Variants in ARB2A observed in about 807,000 individuals in gnomAD.
ARB2A encodes cotranscriptional regulator ARB2A.
the ARB2A span, among the ~76,000 whole-genome samples, chr5:93,994,551 A>G: frequency 6.6e-6 from 1 of 152,210 alleles, no homozygotes; most frequent in African/African-American, 2.4e-5. Flanking sequence ...GGGTACATAT[A>G]GTTGACCCTT....
chr5:93,634,010 G>T, the ARB2A span, among the ~76,000 whole-genome samples: 1 of 152,008 alleles, frequency 6.6e-6, no homozygotes, highest in Non-Finnish European at 1.5e-5. Context: ...CGATCTGCCT[G>T]CCTCAGCCTC....
the ARB2A span, chr5:93,740,565 A>G: frequency 6.3e-7 from 1 of 1,580,052 alleles, no homozygotes; most frequent in South Asian, 1.1e-5. Flanking sequence ...GTGAAGGGCA[A>G]GCCCCTCAGC....
the ARB2A span, chr5:93,733,606 A>G: frequency 6.6e-6 from 1 of 152,312 alleles, no homozygotes; most frequent in Non-Finnish European, 1.5e-5. Flanking sequence ...CCTTTCATGA[A>G]GGTTGCACCA....
At chr5:93,821,985 C>T in the ARB2A span, among the ~76,000 whole-genome samples, 2 of 151,858 alleles carry the variant, frequency 1.3e-5, no homozygotes, top group African/African-American at 2.4e-5. Flanking sequence ...ATTAAATAGA[C>T]TTCTCAGCCC....
At chr5:93,703,032 T>C in the ARB2A span, among the ~76,000 whole-genome samples, 2 of 152,200 alleles carry the variant, frequency 1.3e-5, no homozygotes, top group Non-Finnish European at 2.9e-5. Flanking sequence ...GCTTATTTCA[T>C]TTCTACCACA....
At chr5:94,111,232 AG>A in the ARB2A span, among the ~76,000 whole-genome samples, 2 of 152,172 alleles carry the variant, frequency 1.3e-5, no homozygotes, top group African/African-American at 4.8e-5. Context: ...CTCTGTCTCC[AG>A]GGACTCCCAG....
At chr5:93,936,363 T>C in the ARB2A span, among the ~76,000 whole-genome samples, 1 of 152,172 alleles carries the variant, frequency 6.6e-6, no homozygotes, top group Non-Finnish European at 1.5e-5. Context: ...AAGAGTTTTA[T>C]GAAAAGGTTT....
At chr5:94,030,798 G>A in the ARB2A span, among the ~76,000 whole-genome samples, 1 of 152,198 alleles carries the variant, frequency 6.6e-6, no homozygotes, top group Non-Finnish European at 1.5e-5. Context: ...TGAGCAAATT[G>A]ATTAGTTCTT....
At chr5:93,958,719 A>G in the ARB2A span, 1 of 1,208,538 alleles carries the variant, frequency 8.3e-7, no homozygotes, top group Non-Finnish European at 1.1e-6. Context: ...ACATAAAAAC[A>G]TATAATAAAA....
chr5:93,704,307 T>C, the ARB2A span, among the ~76,000 whole-genome samples: 1 of 152,180 alleles, frequency 6.6e-6, no homozygotes, highest in Non-Finnish European at 1.5e-5. Context: ...CTTATAACTC[T>C]TGCCTGTAAT....
chr5:93,885,378 T>C, the ARB2A span, among the ~76,000 whole-genome samples: 2 of 151,610 alleles, frequency 1.3e-5, no homozygotes, highest in Non-Finnish European at 3.0e-5. Flanking sequence ...TATTTAATTA[T>C]TCCTTAAGTA....
At chr5:93,910,066 T>C in the ARB2A span, among the ~76,000 whole-genome samples, 1 of 151,102 alleles carries the variant, frequency 6.6e-6, no homozygotes, top group Non-Finnish European at 1.5e-5. Flanking sequence ...TACAGGTGCA[T>C]CTATTCTATA....
chr5:93,927,984 A>C, the ARB2A span, among the ~76,000 whole-genome samples: 1 of 151,450 alleles, frequency 6.6e-6, no homozygotes, highest in Non-Finnish European at 1.5e-5. Context: ...TTCTAAAATC[A>C]ACATTACCAA....
the ARB2A span, among the ~76,000 whole-genome samples, chr5:93,633,808 C>G: frequency 1.3e-5 from 2 of 152,082 alleles, no homozygotes; most frequent in Non-Finnish European, 2.9e-5. Context: ...CAAATCTACC[C>G]TGTCTATATA....
the ARB2A span, among the ~76,000 whole-genome samples, chr5:93,983,968 T>C: frequency 6.6e-6 from 1 of 152,176 alleles, no homozygotes; most frequent in African/African-American, 2.4e-5. Context: ...CTAAATGCAA[T>C]GTGTGAACCT....
At chr5:93,863,893 A>G in the ARB2A span, 1 of 151,958 alleles carries the variant, frequency 6.6e-6, no homozygotes, top group Admixed American at 6.6e-5. Flanking sequence ...AGAGTCTTAA[A>G]AAAGTATTTA....
At chr5:93,706,494 C>T in the ARB2A span, among the ~76,000 whole-genome samples, 1 of 152,124 alleles carries the variant, frequency 6.6e-6, no homozygotes, top group African/African-American at 2.4e-5. Flanking sequence ...CAACACTGCG[C>T]ATATACTGGA....
At chr5:93,936,940 G>GTTTTTT in the ARB2A span, among the ~76,000 whole-genome samples, 2 of 133,578 alleles carry the variant, frequency 1.5e-5, no homozygotes, top group Non-Finnish European at 1.6e-5. Context: ...AATTATAAAG[G>GTTTTTT]TTTTTTTTTT....
chr5:93,790,630 C>A, the ARB2A span, among the ~76,000 whole-genome samples: 54 of 152,268 alleles, frequency 3.5e-4, no homozygotes, highest in Admixed American at 9.8e-4. Flanking sequence ...TTCCTCCCAC[C>A]AGTGAACCCT....
Sources: gnomAD v4.1 joint callset for allele counts (sites outside exome capture counted in the v4.1 genomes callset) on GRCh38, gnomAD v4.1.1 for gene constraint, MANE v1.5 for transcripts, NCBI Gene and HGNC (gene_info 2026-07-23, HGNC 2026-07-21) for gene names.